PAX5: variants seen among roughly 807,000 people sequenced by gnomAD.
The protein encoded by PAX5 is paired box protein Pax-5.
A neutral mutation model predicts 43.7 loss-of-function variants in PAX5; 9 were observed. That is an observed-to-expected ratio of 0.21 (90% CI 0.12 to 0.36). PAX5 has a LOEUF of 0.36. Among genes scored for constraint, PAX5 ranks in the 10% least tolerant of loss-of-function variants. The pLI is 1.00. For synonymous variants in PAX5, 228 were observed against 214.3 expected (o/e 1.06, Z -0.56); for missense variants, 383 against 532.7 (o/e 0.72, Z 2.77).
Position 36,905,418 on chromosome 9 carries a change from G to A in PAX5, c.910+17937C>T, listed in dbSNP as rs140484960. 2.5e-3 allele frequency among the ~76,000 whole-genome samples: 382 copies of A among 152,350 alleles called. 2 individuals carry two copies. Among genetic ancestry groups the A allele is most frequent in the African/African-American group, 8.8e-3 (364 of 41,570 alleles). ...AAAACTGAGGTTCAGAGAGGGGAAG[G>A]GAATTCTCAAAGTTACCAGGAGTTA... On this transcript the variant is annotated intron_variant, in intron 7 of 9. Coordinates refer to ENST00000358127, the MANE Select transcript of PAX5 (RefSeq NM_016734.3).
At chr9:36,900,180 C>T (rs1828247247) in intron 7 of PAX5, among the ~76,000 whole-genome samples, 1 of 152,354 alleles carries the variant, frequency 6.6e-6, no homozygotes, top group Admixed American at 6.5e-5. Context: ...CGTGATTTCC[C>T]AGCCTCCCTT....
chr9:36,979,612 T>C (rs1338593836), intron 5 of PAX5, among the ~76,000 whole-genome samples: 2 of 152,144 alleles, frequency 1.3e-5, no homozygotes, highest in Admixed American at 1.3e-4. Flanking sequence ...ATTTTGCAGA[T>C]GAGAAAATGG....
chr9:37,025,378 T>C (rs927361764), intron 1 of PAX5, among the ~76,000 whole-genome samples: 1 of 150,550 alleles, frequency 6.6e-6, no homozygotes, highest in Non-Finnish European at 1.5e-5. Flanking sequence ...CTTTGTTAAA[T>C]AGGGGACCTG....
chr9:36,850,482 G>T (rs535899088), intron 8 of PAX5, among the ~76,000 whole-genome samples: 1 of 152,218 alleles, frequency 6.6e-6, no homozygotes, highest in Non-Finnish European at 1.5e-5. Flanking sequence ...TGCGGCCTCC[G>T]GAGGTGCAGC....
At chr9:37,008,866 C>T (rs1838694781) in intron 3 of PAX5, among the ~76,000 whole-genome samples, 1 of 152,098 alleles carries the variant, frequency 6.6e-6, no homozygotes, top group African/African-American at 2.4e-5. Flanking sequence ...ATAAAATGTC[C>T]AGTTCTGGGA....
At chr9:36,964,546 C>T (rs972008567) in intron 6 of PAX5, among the ~76,000 whole-genome samples, 1 of 148,702 alleles carries the variant, frequency 6.7e-6, no homozygotes, top group African/African-American at 2.5e-5. Context: ...GAGCTAGGAT[C>T]ACACTACTGC....
intron 7 of PAX5, chr9:36,893,374 C>T (rs1417933157): frequency 6.6e-6 from 1 of 152,272 alleles, no homozygotes; most frequent in Non-Finnish European, 1.5e-5. Context: ...GCATCCAGAC[C>T]TCTGTGGTGG....
intron 7 of PAX5, among the ~76,000 whole-genome samples, chr9:36,893,733 G>A (rs541678852): frequency 2.9e-4 from 44 of 152,356 alleles, no homozygotes; most frequent in Non-Finnish European, 4.1e-4. Context: ...CCCAAGCCGC[G>A]ATAGTCTGGG....
chr9:37,006,413 G>T (rs1016907824), intron 4 of PAX5, 60 bp downstream of exon 4: 2 of 1,244,424 alleles, frequency 1.6e-6, no homozygotes, highest in Non-Finnish European at 2.4e-6. Flanking sequence ...ATGATTAAAA[G>T]TTCTTTAGAA....
chr9:36,854,480 A>AGAG (rs1327428757), intron 8 of PAX5, among the ~76,000 whole-genome samples: 1 of 152,216 alleles, frequency 6.6e-6, no homozygotes, highest in African/African-American at 2.4e-5. Context: ...AAAGCCTCTT[A>AGAG]GAGTGACCTT....
chr9:36,906,423 G>C (rs1161248795), intron 7 of PAX5, among the ~76,000 whole-genome samples: 1 of 152,158 alleles, frequency 6.6e-6, no homozygotes, highest in Non-Finnish European at 1.5e-5. Context: ...ATGGAGGAAG[G>C]GGCCATGAGC....
chr9:36,943,521 G>A, intron 6 of PAX5, among the ~76,000 whole-genome samples: 1 of 81,506 alleles, frequency 1.2e-5, no homozygotes, highest in African/African-American at 3.6e-5. Context: ...TTGTGGATTA[G>A]TTCAACATAC....
intron 1 of PAX5, among the ~76,000 whole-genome samples, chr9:37,033,035 C>T (rs1379488997): frequency 1.3e-5 from 2 of 152,214 alleles, no homozygotes; most frequent in African/African-American, 4.8e-5. Flanking sequence ...ATACACACGC[C>T]AGTGTCAGAG....
rs1337956293 is a variant in PAX5, at chr9:37,020,691, C to T, written c.157G>A (p.Asp53Asn). The change falls in exon 2 of 10, where the codon GAC becomes AAC. Residue 53 changes from aspartate (D) to asparagine (N), a missense_variant. Asp to Asn is a conservative substitution (Grantham distance 23, BLOSUM62 1). Transcript: ENST00000358127. ...ELAHQGVRPC[D>N]ISRQLRVSHG... ...CTGACCCGAAGCTGCCTGGAGATGT[C>T]GCAGGGCCTGACACCTTGATGAGCA... 1.9e-6 allele frequency: 3 copies of T among 1,614,064 alleles called. No homozygotes were observed. Among genetic ancestry groups the T allele is most frequent in the Non-Finnish European group, 1.7e-6 (2 of 1,180,040 alleles).
In PAX5 at chr9:36,919,925, G is replaced by A. The variant is rs555551451; in HGVS notation, c.910+3430C>T. ...TATCCACATTTACAGGAGTTGGGAAGAAGTTGATTTCAGCCCTCATGGATG... is the reference window on the plus strand; with the variant it reads ...TATCCACATTTACAGGAGTTGGGAAAAAGTTGATTTCAGCCCTCATGGATG... On this transcript the variant is annotated intron_variant, in intron 7 of 9. Coordinates refer to ENST00000358127, the MANE Select transcript of PAX5 (RefSeq NM_016734.3). Among the ~76,000 whole-genome samples the A allele has an allele frequency of 3.3e-5, 5 of 149,882 alleles. No individual in the cohort carries two copies. The South Asian group carries it at 1.1e-3, about 32-fold the overall frequency.
intron 8 of PAX5, among the ~76,000 whole-genome samples, chr9:36,868,834 C>T (rs1386414643): frequency 2.0e-5 from 3 of 152,110 alleles, no homozygotes; most frequent in Non-Finnish European, 4.4e-5. Context: ...GTCAGCCTGC[C>T]TCCGAGATGG....
chr9:37,015,963 C>T lies in PAX5; in HGVS notation c.213-769G>A, dbSNP rs1022470607. The stretch of plus-strand genomic sequence containing the variant: ...CATTCATCTACCATTTTATAGTTTA[C>T]AGAAAACTTTCGAGTCAGTTTTCCC... On this transcript the variant is annotated intron_variant, in intron 2 of 9. Transcript: ENST00000358127. This position sits in a 1 kb window ranked among gnomAD's most constrained non-coding sequence, Gnocchi z 4.4. 6.6e-6 allele frequency among the ~76,000 whole-genome samples: 1 copy of T among 152,224 alleles called. No homozygotes were observed. The highest frequency in any genetic ancestry group is 1.5e-5 in the Non-Finnish European group (1 of 68,036).
At chr9:36,877,146 G>A (rs901225014) in intron 8 of PAX5, among the ~76,000 whole-genome samples, 2 of 152,128 alleles carry the variant, frequency 1.3e-5, no homozygotes, top group Non-Finnish European at 2.9e-5. Context: ...AGACCAGCCT[G>A]GACAGTATGG....
Position 36,882,990 on chromosome 9 carries a change from C to T in PAX5, c.911-885G>A, listed in dbSNP as rs1826578938. 6.6e-6 allele frequency among the ~76,000 whole-genome samples: 1 copy of T among 152,214 alleles called. No individual in the cohort carries two copies. The highest frequency in any genetic ancestry group is 2.4e-5 in the African/African-American group (1 of 41,458). On this transcript the variant is annotated intron_variant, in intron 7 of 9. Transcript: ENST00000358127. This position sits in a 1 kb window ranked among gnomAD's most constrained non-coding sequence, Gnocchi z 4.4. ...GGCCAGGACCACATAAGGGGTGCTG[C>T]CAAACCTGCCTCCTGAAAGATGGGG...
Sources: allele counts gnomAD v4.1 joint callset (sites outside exome capture counted in the v4.1 genomes callset), GRCh38; gene constraint gnomAD v4.1.1; non-coding constraint Gnocchi (gnomAD v3.1); transcripts MANE v1.5; gene names NCBI Gene and HGNC (gene_info 2026-07-23, HGNC 2026-07-21).